ITPR2: variants seen among roughly 807,000 people sequenced by gnomAD.
The protein encoded by ITPR2 is inositol 1,4,5-trisphosphate receptor type 2.
In ITPR2, 207 loss-of-function variants were observed where a neutral mutation model predicts 317.1. The ratio of observed to expected loss-of-function variants is 0.65; its 90% CI spans 0.58 to 0.73. The LOEUF is 0.73. ITPR2 is among the 30% of genes least tolerant of loss of function. The probability of loss-of-function intolerance (pLI) is 0.00; values close to 1 mark genes in which losing one functional copy is unlikely to be tolerated. For missense variants in ITPR2, 2,613 were observed against 3,284.0 expected (o/e 0.80, Z 4.99); for synonymous variants, 1,156 against 1,149.1 (o/e 1.01, Z -0.12).
chr12:26,576,445 C>G (rs1187855116), intron 34 of ITPR2, among the ~76,000 whole-genome samples: 1 of 152,160 alleles, frequency 6.6e-6, no homozygotes, highest in Non-Finnish European at 1.5e-5. Context: ...TGACCACTTC[C>G]TCTTCCTGTA....
At chr12:26,413,198 C>A (rs1940607258) in intron 51 of ITPR2, among the ~76,000 whole-genome samples, 1 of 152,238 alleles carries the variant, frequency 6.6e-6, no homozygotes, top group Non-Finnish European at 1.5e-5. Flanking sequence ...CTTCATCTAT[C>A]AACCCAGATT....
chr12:26,353,472 C>G (rs1938543174), intron 55 of ITPR2, among the ~76,000 whole-genome samples: 1 of 152,214 alleles, frequency 6.6e-6, no homozygotes, highest in South Asian at 2.1e-4. Flanking sequence ...TTTAGGTAGA[C>G]TCTTACAGAG....
At chr12:26,381,843 G>T (rs189806605) in intron 55 of ITPR2, among the ~76,000 whole-genome samples, 1 of 152,166 alleles carries the variant, frequency 6.6e-6, no homozygotes, top group African/African-American at 2.4e-5. Context: ...CTCCAGACAC[G>T]CATGCCGCCT....
chr12:26,624,321 C>T lies in ITPR2; in HGVS notation c.3100G>A (p.Ala1034Thr). ...TACCTTCCCGCAAACATAGTTTCTG[C>T]CTGAGCTGCAATTTCATCTATATCA... ...VPDIDEIAAQ[A>T]ETMFAGRKEK... is the part of the protein sequence containing the mutation. The change falls in exon 24 of 57, where the codon GCA becomes ACA. Residue 1034 changes from alanine (A) to threonine (T), a missense_variant. Ala to Thr is a moderately conservative substitution (Grantham distance 58). Coordinates refer to ENST00000381340, the MANE Select transcript of ITPR2 (RefSeq NM_002223.4). 6.2e-7 allele frequency: 1 copy of T among 1,608,852 alleles called. No individual in the cohort carries two copies. Among genetic ancestry groups the T allele is most frequent in the Non-Finnish European group, 8.5e-7 (1 of 1,176,704 alleles).
intron 13 of ITPR2, among the ~76,000 whole-genome samples, chr12:26,676,801 T>C (rs1947918043): frequency 1.3e-5 from 2 of 152,114 alleles, no homozygotes; most frequent in African/African-American, 4.8e-5. Context: ...GATGTTTCTT[T>C]GTCTTAAAAA....
chr12:26,368,855 C>A (rs981593489), intron 55 of ITPR2, among the ~76,000 whole-genome samples: 7 of 151,958 alleles, frequency 4.6e-5, no homozygotes, highest in Admixed American at 1.3e-4. Flanking sequence ...AGGAGACATA[C>A]AATAAAAAAC....
chr12:26,622,454 T>TAC, intron 24 of ITPR2, 49 bp from the exon 25 acceptor site: 2 of 1,387,012 alleles, frequency 1.4e-6, no homozygotes, highest in South Asian at 2.8e-5. Flanking sequence ...ATATAACATC[T>TAC]ACACTTCAGT....
At chr12:26,608,786 TAAA>T (rs34171335) in intron 26 of ITPR2, among the ~76,000 whole-genome samples, 2 of 100,278 alleles carry the variant, frequency 2.0e-5, no homozygotes, top group African/African-American at 3.8e-5. Flanking sequence ...ACTTTTAAAT[TAAA>T]AAAAAAAAAA....
chr12:26,656,544 G>A lies in ITPR2; in HGVS notation c.2197C>T (p.Gln733Ter), dbSNP rs765525864. The A allele has an allele frequency of 6.2e-7, 1 of 1,614,032 alleles. No homozygotes were observed. Among genetic ancestry groups the A allele is most frequent in the South Asian group, 1.1e-5 (1 of 91,080 alleles). ...DLEVLTYYRYQLNLFARMCLD... is the reference protein window; with the variant it reads ...DLEVLTYYRY ...CACATCCTTGCAAAGAGGTTTAGCTGGTACCTTAAAAATGGTAAACATATT... is the reference window on the plus strand; with the variant it reads ...CACATCCTTGCAAAGAGGTTTAGCTAGTACCTTAAAAATGGTAAACATATT... Residue 733 changes from glutamine to a stop codon, truncating the protein, a stop_gained, in exon 19 of 57, where the codon CAG becomes TAG. Transcript: ENST00000381340. LOFTEE classifies it high-confidence loss of function.
chr12:26,344,668 T>G (rs1938247020), intron 55 of ITPR2, among the ~76,000 whole-genome samples: 2 of 152,236 alleles, frequency 1.3e-5, no homozygotes, highest in Non-Finnish European at 2.9e-5. Flanking sequence ...TTTTTTCATT[T>G]GTTTCTTTGT....
intron 9 of ITPR2, among the ~76,000 whole-genome samples, chr12:26,707,120 G>A (rs1315170955): frequency 6.6e-6 from 1 of 152,092 alleles, no homozygotes; most frequent in South Asian, 2.1e-4. Context: ...GCTGTCTTCC[G>A]AACTAGAAGC....
chr12:26,402,264 A>C (rs1283500759), intron 52 of ITPR2, among the ~76,000 whole-genome samples: 1 of 152,246 alleles, frequency 6.6e-6, no homozygotes, highest in Non-Finnish European at 1.5e-5. Flanking sequence ...ATTTTCCAAT[A>C]ATCAGGTCAT....
intron 36 of ITPR2, among the ~76,000 whole-genome samples, chr12:26,551,194 A>G (rs3782294): frequency 0.44 from 67,553 of 152,032 alleles, 16,257 homozygotes; most frequent in South Asian, 0.62. Context: ...CATAACATGA[A>G]TACTGTGGGA....
intron 1 of ITPR2, among the ~76,000 whole-genome samples, chr12:26,807,335 C>T (rs1333930417): frequency 6.6e-6 from 1 of 152,170 alleles, no homozygotes; most frequent in African/African-American, 2.4e-5. Context: ...AAACAAAACA[C>T]ATAGGAAAGG....
rs192317470 is a variant in ITPR2, at chr12:26,476,997, G to C, written c.6134C>G (p.Ser2045Cys). Residue 2045 changes from serine (S) to cysteine (C), a missense_variant, in exon 44 of 57, where the codon TCT becomes TGT. By Grantham distance (112) the Ser-to-Cys change is moderately radical (BLOSUM62 -1). Transcript: ENST00000381340. ...DLVLQLKNNA[S>C]KLLLAIMESR... ...TTCCATAATGGCCAGCAAAAGTTTA[G>C]ATGCATTGTTCTAGAGACACAGATT... 1 of 1,608,778 alleles carries C rather than the reference G, an allele frequency of 6.2e-7. No homozygotes were observed. The highest frequency in any genetic ancestry group is 1.7e-5 in the Admixed American group (1 of 59,976).
chr12:26,473,770 T>C (rs1449464843), intron 45 of ITPR2, among the ~76,000 whole-genome samples: 2 of 152,224 alleles, frequency 1.3e-5, no homozygotes, highest in African/African-American at 4.8e-5. Context: ...CTTTGCTAGC[T>C]TGACTCACTT....
intron 26 of ITPR2, among the ~76,000 whole-genome samples, chr12:26,618,666 C>G (rs551307492): frequency 2.5e-4 from 38 of 152,162 alleles, no homozygotes; most frequent in Non-Finnish European, 5.4e-4. Context: ...AAAAATCTCC[C>G]AAACATGTGC....
intron 51 of ITPR2, among the ~76,000 whole-genome samples, chr12:26,414,020 T>C (rs1218918408): frequency 1.4e-5 from 2 of 145,784 alleles, no homozygotes; most frequent in African/African-American, 5.1e-5. Context: ...GTGGAGGTTT[T>C]GGGAAGCAGA....
chr12:26,355,551 CA>C (rs1938611377), intron 55 of ITPR2, among the ~76,000 whole-genome samples: 1 of 152,162 alleles, frequency 6.6e-6, no homozygotes, highest in Non-Finnish European at 1.5e-5. Context: ...TCTGGTCACT[CA>C]AAAAATGCCT....
Sources: allele counts gnomAD v4.1 joint callset (sites outside exome capture counted in the v4.1 genomes callset), GRCh38; gene constraint gnomAD v4.1.1; transcripts MANE v1.5; gene names NCBI Gene and HGNC (gene_info 2026-07-23, HGNC 2026-07-21).